The following CCDC157 variants were observed in gnomAD, a reference collection of about 807,000 sequenced individuals.
CCDC157 encodes coiled-coil domain-containing protein 157.
Under a neutral mutation model 70.9 loss-of-function variants are expected in CCDC157, and 60 were observed. The observed-to-expected ratio is 0.85, with a 90% CI of 0.69 to 1.05. The LOEUF is 1.05. CCDC157 is among the 50% of genes least tolerant of loss of function. The pLI, the probability that CCDC157 is intolerant of heterozygous loss-of-function variation, is 0.00. For synonymous variants in CCDC157, 373 were observed against 422.4 expected (o/e 0.88, Z 1.43); for missense variants, 943 against 984.2 (o/e 0.96, Z 0.56).
At position 30,372,233 on chromosome 22, in the gene CCDC157, A is replaced by G. The variant is rs1932994618; in HGVS notation, c.1282A>G (p.Thr428Ala). The part of the protein sequence containing the change: ...GAGQQVCWAS[T>A]ELDKEKARVD... ...TGGCCAGCAGGTCTGCTGGGCCAGC[A>G]CGGAGCTGGATAAGGAGAAGGCCCG... Residue 428 changes from threonine to alanine, a missense_variant, in exon 7 of 12, where the codon ACG (threonine) becomes GCG (alanine). Coordinates refer to ENST00000338306, the MANE Select transcript of CCDC157 (RefSeq NM_001017437.5). 1 of 1,599,814 alleles carries G rather than the reference A, an allele frequency of 6.3e-7. No homozygotes were observed. Among genetic ancestry groups the G allele is most frequent in the South Asian group, 1.1e-5 (1 of 88,952 alleles).
At position 30,373,970 on chromosome 22, in the gene CCDC157, G is replaced by C. The variant is rs547503645; in HGVS notation, c.1551G>C (p.Ala517=). The part of the protein sequence containing the change: ...LQREKQGLEQ[A]TTDLRLTILE... Reference sequence around the variant, plus strand: ...GGGAGAAGCAAGGCCTGGAGCAGGCGACTACGGACCTGCGGCTAACCATCC... The same window carrying C: ...GGGAGAAGCAAGGCCTGGAGCAGGCCACTACGGACCTGCGGCTAACCATCC... Residue 517 remains alanine, a synonymous_variant, in exon 9 of 12, where the codon GCG becomes GCC. Coordinates refer to ENST00000338306, the MANE Select transcript of CCDC157 (RefSeq NM_001017437.5). 6.2e-7 allele frequency: 1 copy of C among 1,612,990 alleles called. No homozygotes were observed. Among genetic ancestry groups the C allele is most frequent in the East Asian group, 2.2e-5 (1 of 44,846 alleles).
chr22:30,378,477 A>G lies in CCDC157; in HGVS notation c.*1732A>G. 1 of 169,026 alleles carries G rather than the reference A, an allele frequency of 5.9e-6. No individual in the cohort carries two copies. Among genetic ancestry groups the G allele is most frequent in the Admixed American group, 5.9e-5 (1 of 16,892 alleles). The allele number at this position is 169,026 out of a possible 1,614,324, so 10.5% of individuals were successfully genotyped here. On this transcript the variant is annotated 3_prime_UTR_variant, in exon 12 of 12. Coordinates refer to ENST00000338306, the MANE Select transcript of CCDC157 (RefSeq NM_001017437.5). ...AACCCCGTCTCTACTAAAAATACAA[A>G]ATTAGCCGGGCGTGGTGGCGCATGT...
At chr22:30,365,943 G>T (rs1932693128) in intron 2 of CCDC157, 47 bp from the exon 3 acceptor site, 6 of 1,509,216 alleles carry the variant, frequency 4.0e-6, no homozygotes, top group Middle Eastern at 3.4e-4. Context: ...TCCTCCTGCA[G>T]CAGCCACGTG....
intron 1 of CCDC157, among the ~76,000 whole-genome samples, chr22:30,357,882 T>G (rs979931257): frequency 6.6e-6 from 1 of 152,086 alleles, no homozygotes; most frequent in Non-Finnish European, 1.5e-5. Flanking sequence ...CAGGCTGGTC[T>G]CAAACTCCTG....
At chr22:30,367,402 G>T (rs1426495161) in intron 3 of CCDC157, among the ~76,000 whole-genome samples, 1 of 151,966 alleles carries the variant, frequency 6.6e-6, no homozygotes, top group Non-Finnish European at 1.5e-5. Context: ...CGCCTGGCTA[G>T]TTTTTTTGGA....
At chr22:30,375,423 G>C in intron 9 of CCDC157, 56 bp from the exon 10 acceptor site, 1 of 1,582,076 alleles carries the variant, frequency 6.3e-7, no homozygotes, top group South Asian at 1.1e-5. Context: ...GTGCCTCCAG[G>C]CCACCTGCCC....
chr22:30,373,718 T>C lies in CCDC157; in HGVS notation c.1457T>C (p.Leu486Pro). The C allele has an allele frequency of 6.4e-7, 1 of 1,553,500 alleles. No homozygotes were observed. Among genetic ancestry groups the C allele is most frequent in the Non-Finnish European group, 8.7e-7 (1 of 1,148,938 alleles). ...EAQRARVEEQ[L>P]QSEREQGQCQ... ...CAGCGGGCCCGCGTGGAGGAGCAGC[T>C]GCAGAGCGAGCGGGAGCAGGGGCAA... is the stretch of plus-strand genomic sequence containing the variant. The change falls in exon 8 of 12, where the codon CTG becomes CCG. Residue 486 changes from leucine to proline, a missense_variant. Transcript: ENST00000338306.
In CCDC157 at chr22:30,366,126, C is replaced by T. The variant is rs761855405; in HGVS notation, c.126C>T (p.Phe42=). The T allele has an allele frequency of 8.1e-6, 13 of 1,613,408 alleles. No homozygotes were observed. In the East Asian group the frequency reaches 2.5e-4, roughly 30 times the overall value. Residue 42 remains phenylalanine (F), a synonymous_variant, in exon 3 of 12, where the codon TTC becomes TTT. Coordinates refer to ENST00000338306, the MANE Select transcript of CCDC157 (RefSeq NM_001017437.5). ...CTGTGCGCTTCCCCTCCTGGAAGTT[C>T]CCTGACCGCATGGCCTGTGACCTCG... is the stretch of plus-strand genomic sequence containing the variant. ...AGPVRFPSWK[F]PDRMACDLDM... is the part of the protein sequence containing the mutation.
At chr22:30,367,812 C>T (rs1357044090) in intron 3 of CCDC157, among the ~76,000 whole-genome samples, 3 of 152,046 alleles carry the variant, frequency 2.0e-5, no homozygotes, top group Admixed American at 6.5e-5. Flanking sequence ...TTTGGGAGGC[C>T]GAGGTGGGCG....
At chr22:30,368,569 C>T (rs1029861332) in intron 3 of CCDC157, among the ~76,000 whole-genome samples, 4 of 152,220 alleles carry the variant, frequency 2.6e-5, no homozygotes, top group East Asian at 3.9e-4. Flanking sequence ...GATGCTTTCC[C>T]GTTCCCCGAT....
chr22:30,374,252 G>T (rs547294963), intron 9 of CCDC157, 161 bp downstream of exon 9: 4 of 787,332 alleles, frequency 5.1e-6, no homozygotes, highest in Non-Finnish European at 8.2e-6. Context: ...ACCACAGCAC[G>T]CAAGTGCTTC....
intron 1 of CCDC157, among the ~76,000 whole-genome samples, chr22:30,358,551 T>C (rs964952243): frequency 1.3e-5 from 2 of 152,244 alleles, no homozygotes; most frequent in African/African-American, 4.8e-5. Flanking sequence ...CGTGTTTTCA[T>C]GGTGGTGGCT....
At chr22:30,374,230 C>T (rs1933174604) in intron 9 of CCDC157, 139 bp downstream of exon 9, 2 of 978,998 alleles carry the variant, frequency 2.0e-6, no homozygotes, top group Admixed American at 2.4e-5. Flanking sequence ...GCAGCGCAGC[C>T]CCTGTGGACC....
At position 30,373,953 on chromosome 22, in the gene CCDC157, C is replaced by A. The variant is rs772234819; in HGVS notation, c.1534C>A (p.Gln512Lys). Reference protein sequence around the residue: ...ELLQSLQREKQGLEQATTDLR... With the variant: ...ELLQSLQREKKGLEQATTDLR... ...GCTGCAGAGCCTGCAGAGGGAGAAGCAAGGCCTGGAGCAGGCGACTACGGA... is the reference window on the plus strand; with the variant it reads ...GCTGCAGAGCCTGCAGAGGGAGAAGAAAGGCCTGGAGCAGGCGACTACGGA... Residue 512 changes from glutamine to lysine, a missense_variant, in exon 9 of 12, where the codon CAA (glutamine) becomes AAA (lysine). By Grantham distance (53) the Gln-to-Lys change is moderately conservative. Coordinates refer to ENST00000338306, the MANE Select transcript of CCDC157 (RefSeq NM_001017437.5). 2 of 1,612,432 alleles carry A rather than the reference C, an allele frequency of 1.2e-6. No homozygotes were observed. The highest frequency in any genetic ancestry group is 1.7e-6 in the Non-Finnish European group (2 of 1,179,398).
chr22:30,358,085 C>T (rs1040138664), intron 1 of CCDC157, among the ~76,000 whole-genome samples: 1 of 152,238 alleles, frequency 6.6e-6, no homozygotes, highest in African/African-American at 2.4e-5. Flanking sequence ...TCCCCCCTCT[C>T]TCCTTCCTCC....
chr22:30,373,543 C>G, intron 7 of CCDC157, 54 bp from the exon 8 acceptor site: 1 of 1,540,710 alleles, frequency 6.5e-7, no homozygotes, highest in South Asian at 1.2e-5. Flanking sequence ...TTCCACATGG[C>G]TGGGCCTAGC....
chr22:30,367,574 G>A (rs1932777355), intron 3 of CCDC157, among the ~76,000 whole-genome samples: 1 of 152,116 alleles, frequency 6.6e-6, no homozygotes, highest in South Asian at 2.1e-4. Flanking sequence ...TTAGGAGGCC[G>A]TGGTGGGAGG....
At chr22:30,358,037 A>T (rs1208271960) in intron 1 of CCDC157, among the ~76,000 whole-genome samples, 1 of 152,060 alleles carries the variant, frequency 6.6e-6, no homozygotes, top group East Asian at 1.9e-4. Context: ...CCAGAGGCCT[A>T]CCTCGAATCC....
At chr22:30,371,898 A>T in intron 6 of CCDC157, 171 bp downstream of exon 6, 1 of 738,782 alleles carries the variant, frequency 1.4e-6, no homozygotes, top group Non-Finnish European at 2.2e-6. Flanking sequence ...CTGGGTTGCC[A>T]CCTCCTACCG....
Sources: gnomAD v4.1 joint callset for allele counts (sites outside exome capture counted in the v4.1 genomes callset) on GRCh38, gnomAD v4.1.1 for gene constraint, MANE v1.5 for transcripts, NCBI Gene and HGNC (gene_info 2026-07-23, HGNC 2026-07-21) for gene names.